The following PPFIBP1 variants were observed in gnomAD, a reference collection of about 807,000 sequenced individuals.
The protein encoded by PPFIBP1 is liprin-beta-1.
Under a neutral mutation model 137.8 loss-of-function variants are expected in PPFIBP1, and 112 were observed. The ratio of observed to expected loss-of-function variants is 0.81; its 90% CI spans 0.70 to 0.95. The LOEUF is 0.95. Among genes scored for constraint, PPFIBP1 ranks in the 40% least tolerant of loss-of-function variants. The pLI, the probability that PPFIBP1 is intolerant of heterozygous loss-of-function variation, is 0.00. For synonymous variants in PPFIBP1, 378 were observed against 417.3 expected, an observed-to-expected ratio of 0.91 and a Z score of 1.15; for missense variants, 1,083 against 1,196.6, an observed-to-expected ratio of 0.91 and a Z score of 1.40.
chr12:27,671,500 G>GA lies in PPFIBP1; in HGVS notation c.1221dup (p.Ser408IlefsTer6). On this transcript the variant is annotated frameshift_variant, in exon 14 of 30. Coordinates refer to ENST00000228425, the MANE Select transcript of PPFIBP1 (RefSeq NM_003622.4). LOFTEE classifies it high-confidence loss of function. ...AGCAACTGTAAGCATGGAAACTTCT[G>GA]AAAAATCAAAGTTGACTCCTAAGCC... 1 of 1,602,582 alleles carries GA rather than the reference G, an allele frequency of 6.2e-7. No homozygotes were observed. Among genetic ancestry groups the GA allele is most frequent in the Non-Finnish European group, 8.5e-7 (1 of 1,175,606 alleles).
intron 1 of PPFIBP1, among the ~76,000 whole-genome samples, chr12:27,527,788 A>G (rs1392933344): frequency 2.6e-5 from 4 of 152,182 alleles, no homozygotes; most frequent in Non-Finnish European, 4.4e-5. Context: ...AAAAAATCAC[A>G]GTTGAGCAGC....
At chr12:27,616,533 T>A (rs2055778252) in intron 2 of PPFIBP1, among the ~76,000 whole-genome samples, 1 of 152,166 alleles carries the variant, frequency 6.6e-6, no homozygotes. Context: ...GGGAAGTGTC[T>A]GGGAGTGTTT....
At chr12:27,640,207 G>T (rs1415429165) in intron 4 of PPFIBP1, among the ~76,000 whole-genome samples, 1 of 152,152 alleles carries the variant, frequency 6.6e-6, no homozygotes, top group Non-Finnish European at 1.5e-5. Flanking sequence ...GCTTTTCATG[G>T]AATCCTAGGC....
chr12:27,556,574 C>T (rs926529628), intron 1 of PPFIBP1, among the ~76,000 whole-genome samples: 8 of 152,090 alleles, frequency 5.3e-5, no homozygotes, highest in South Asian at 2.1e-4. Context: ...CTTCTTGGTC[C>T]GCATTGGGAA....
At chr12:27,691,707 T>A in intron 27 of PPFIBP1, 42 bp from the exon 28 acceptor site, 3 of 1,546,094 alleles carry the variant, frequency 1.9e-6, no homozygotes, top group Non-Finnish European at 2.6e-6. Context: ...ATATGAATTT[T>A]ATCAAATCCT....
At chr12:27,586,110 A>G (rs568802039) in intron 2 of PPFIBP1, among the ~76,000 whole-genome samples, 1 of 152,324 alleles carries the variant, frequency 6.6e-6, no homozygotes, top group East Asian at 1.9e-4. Flanking sequence ...TTCTTACCAC[A>G]GCCCTTTGAG....
intron 7 of PPFIBP1, among the ~76,000 whole-genome samples, chr12:27,651,717 A>C (rs961851333): frequency 1.1e-4 from 16 of 152,298 alleles, no homozygotes; most frequent in Non-Finnish European, 1.8e-4. Flanking sequence ...CATTGCGTCC[A>C]CAAAGTCAAG....
intron 4 of PPFIBP1, among the ~76,000 whole-genome samples, chr12:27,644,924 C>T (rs7295203): frequency 0.71 from 106,263 of 150,472 alleles, 37,859 homozygotes; most frequent in African/African-American, 0.77. Flanking sequence ...TGTTTTTTTT[C>T]TTCCCCCTTC....
intron 19 of PPFIBP1, among the ~76,000 whole-genome samples, chr12:27,678,856 C>CAAAAAAAAAAAAAAAAAAAAA (rs60834907): frequency 2.0e-4 from 20 of 98,950 alleles, no homozygotes; most frequent in East Asian, 1.1e-3. Flanking sequence ...GACTCTGTCT[C>CAAAAAAAAAAAAAAAAAAAAA]AAAAAAAAAA....
At chr12:27,646,486 C>T (rs373378297) in intron 5 of PPFIBP1, among the ~76,000 whole-genome samples, 2 of 151,100 alleles carry the variant, frequency 1.3e-5, no homozygotes, top group Non-Finnish European at 1.5e-5. Flanking sequence ...TCAAGCAACC[C>T]TCCTACCTCA....
chr12:27,595,238 G>A (rs774374844), intron 2 of PPFIBP1, among the ~76,000 whole-genome samples: 1 of 152,156 alleles, frequency 6.6e-6, no homozygotes, highest in Non-Finnish European at 1.5e-5. Context: ...GCGTGCACAC[G>A]CGCGCGCGCA....
intron 2 of PPFIBP1, among the ~76,000 whole-genome samples, chr12:27,597,986 G>T (rs546113164): frequency 6.6e-6 from 1 of 151,894 alleles, no homozygotes; most frequent in Non-Finnish European, 1.5e-5. Flanking sequence ...TTGTTTTTTA[G>T]TAGAGACGGG....
At chr12:27,544,453 C>T (rs1946007918) in intron 1 of PPFIBP1, among the ~76,000 whole-genome samples, 1 of 152,192 alleles carries the variant, frequency 6.6e-6, no homozygotes, top group African/African-American at 2.4e-5. Flanking sequence ...AGTGAACAGG[C>T]AGCCTACAGA....
At chr12:27,596,095 CACACACACACACATAT>C (rs1187323453) in intron 2 of PPFIBP1, among the ~76,000 whole-genome samples, 5 of 147,510 alleles carry the variant, frequency 3.4e-5, no homozygotes, top group African/African-American at 1.0e-4. Context: ...CACACACACA[CACACACACACACATAT>C]GCTTACAAAT....
At chr12:27,646,934 C>G (rs1217832985) in intron 5 of PPFIBP1, among the ~76,000 whole-genome samples, 4 of 152,218 alleles carry the variant, frequency 2.6e-5, no homozygotes, top group South Asian at 2.1e-4. Context: ...GTTGCCCCCC[C>G]TGACTTTGAA....
At chr12:27,691,185 A>G (rs371333438) in intron 27 of PPFIBP1, among the ~76,000 whole-genome samples, 2 of 150,876 alleles carry the variant, frequency 1.3e-5, no homozygotes, top group South Asian at 2.1e-4. Context: ...AAGAAAAAAT[A>G]TAGTGAAGTC....
intron 2 of PPFIBP1, chr12:27,593,347 T>C (rs10492371): frequency 0.076 from 31,607 of 413,294 alleles, 1,544 homozygotes; most frequent in African/African-American, 0.15. Context: ...TAAGATTCTG[T>C]GGTTCAACCC....
At chr12:27,569,907 A>G (rs912540983) in intron 1 of PPFIBP1, among the ~76,000 whole-genome samples, 2 of 152,134 alleles carry the variant, frequency 1.3e-5, no homozygotes, top group Non-Finnish European at 2.9e-5. Context: ...CCTGTTCTCC[A>G]TGGTCTTTAG....
At chr12:27,537,640 C>T (rs1193105644) in intron 1 of PPFIBP1, among the ~76,000 whole-genome samples, 1 of 152,084 alleles carries the variant, frequency 6.6e-6, no homozygotes, top group Non-Finnish European at 1.5e-5. Context: ...TCAGCCAACA[C>T]TTGCTTTGGG....
Sources: allele counts gnomAD v4.1 joint callset (sites outside exome capture counted in the v4.1 genomes callset), GRCh38; gene constraint gnomAD v4.1.1; transcripts MANE v1.5; gene names NCBI Gene and HGNC (gene_info 2026-07-23, HGNC 2026-07-21).